The following PTGR3 variants were observed in gnomAD, a reference collection of about 807,000 sequenced individuals.
The protein encoded by PTGR3 is zinc binding alcohol dehydrogenase domain containing 2.
chr18:75,201,777 TCTACAG>T, the PTGR3 span: 2 of 1,614,170 alleles, frequency 1.2e-6, no homozygotes, highest in Non-Finnish European at 1.7e-6. Context: ...AGCCAGGGCG[TCTACAG>T]CCAAGTCAAA....
the PTGR3 span, among the ~76,000 whole-genome samples, chr18:75,204,649 C>T: frequency 9.2e-5 from 14 of 152,140 alleles, no homozygotes; most frequent in African/African-American, 3.4e-4. Context: ...ACCGCCACCA[C>T]GGAGAGGGGA....
the PTGR3 span, chr18:75,201,675 T>C: frequency 1.2e-6 from 2 of 1,614,170 alleles, no homozygotes; most frequent in East Asian, 2.2e-5. Flanking sequence ...CTTGAGCAGT[T>C]TGGCTGGCAA....
chr18:75,208,400 T>A, the PTGR3 span: 1 of 989,352 alleles, frequency 1.0e-6, no homozygotes, highest in Non-Finnish European at 1.2e-6. Context: ...CCCAGCCTCC[T>A]TCCTCCGAAG....
the PTGR3 span, among the ~76,000 whole-genome samples, chr18:75,204,271 C>A: frequency 1.3e-5 from 2 of 152,240 alleles, no homozygotes; most frequent in Non-Finnish European, 1.5e-5. Flanking sequence ...TCTCCCCGCC[C>A]CAGGCTGTGG....
the PTGR3 span, chr18:75,199,564 A>G: frequency 2.6e-5 from 4 of 152,208 alleles, no homozygotes; most frequent in Non-Finnish European, 4.4e-5. Flanking sequence ...TTTGTTTGTG[A>G]ATGTAAAAGT....
chr18:75,208,765 C>T, the PTGR3 span: 1 of 1,204,862 alleles, frequency 8.3e-7, no homozygotes, highest in Non-Finnish European at 1.0e-6. Context: ...GGCACGCGGG[C>T]GGGCTGGGGA....
the PTGR3 span, chr18:75,198,038 A>C: frequency 6.6e-6 from 1 of 152,322 alleles, no homozygotes; most frequent in Middle Eastern, 3.4e-3. Context: ...CCCCCACCCC[A>C]ATTTAAAGGA....
chr18:75,201,563 A>T, the PTGR3 span: 1 of 1,614,196 alleles, frequency 6.2e-7, no homozygotes, highest in South Asian at 1.1e-5. Context: ...CCACCTCACA[A>T]ACCAGGTCTC....
At chr18:75,201,687 G>A in the PTGR3 span, 1,591 of 1,614,180 alleles carry the variant, frequency 9.9e-4, 3 homozygotes, top group Middle Eastern at 2.6e-3. Context: ...GGCTGGCAAT[G>A]TTCCTGCTTT....
chr18:75,205,271 G>A, the PTGR3 span: 12 of 985,580 alleles, frequency 1.2e-5, no homozygotes, highest in Non-Finnish European at 1.4e-5. Flanking sequence ...AAGCGAATGC[G>A]GGGCTCGGGA....
the PTGR3 span, chr18:75,199,061 C>G: frequency 1.3e-5 from 2 of 152,586 alleles, no homozygotes; most frequent in African/African-American, 2.4e-5. Flanking sequence ...TGCTTGTTTT[C>G]TAAGAATAAG....
chr18:75,198,881 T>C, the PTGR3 span: 1 of 152,602 alleles, frequency 6.6e-6, no homozygotes, highest in Non-Finnish European at 1.5e-5. Context: ...AAGAAAGGTG[T>C]TGAGACCATC....
chr18:75,205,614 A>C, the PTGR3 span: 1 of 487,906 alleles, frequency 2.0e-6, no homozygotes, highest in Non-Finnish European at 2.7e-6. Context: ...GGGGAGAGGA[A>C]CGCTTTCCTC....
At chr18:75,208,468 T>G in the PTGR3 span, 1 of 1,010,264 alleles carries the variant, frequency 9.9e-7, no homozygotes, top group Non-Finnish European at 1.2e-6. Flanking sequence ...ACCCTAAAGA[T>G]TATGTCAACG....
chr18:75,208,108 C>T, the PTGR3 span, among the ~76,000 whole-genome samples: 1 of 152,098 alleles, frequency 6.6e-6, no homozygotes, highest in Admixed American at 6.5e-5. Context: ...GTGGGGAGCG[C>T]GGGGAATGGA....
the PTGR3 span, chr18:75,201,269 G>GAGA: frequency 1.8e-5 from 12 of 656,414 alleles, no homozygotes; most frequent in East Asian, 3.4e-4. Context: ...GGAGGAGGAG[G>GAGA]AGAAGGAGAG....
At chr18:75,204,352 C>G in the PTGR3 span, among the ~76,000 whole-genome samples, 2 of 152,236 alleles carry the variant, frequency 1.3e-5, no homozygotes, top group African/African-American at 4.8e-5. Context: ...GGAGCGCGCA[C>G]ACGCGCTGGA....
the PTGR3 span, among the ~76,000 whole-genome samples, chr18:75,204,687 C>T: frequency 6.6e-6 from 1 of 152,114 alleles, no homozygotes; most frequent in African/African-American, 2.4e-5. Flanking sequence ...CCGGGCGGGC[C>T]GGGACCGCGC....
chr18:75,205,730 AAAAG>A, the PTGR3 span, among the ~76,000 whole-genome samples: 14 of 151,964 alleles, frequency 9.2e-5, no homozygotes, highest in African/African-American at 3.1e-4. Context: ...AAAAAAAGAA[AAAAG>A]AAAGAAAGAA....
Sources: gnomAD v4.1 joint callset for allele counts (sites outside exome capture counted in the v4.1 genomes callset) on GRCh38, gnomAD v4.1.1 for gene constraint, MANE v1.5 for transcripts, NCBI Gene and HGNC (gene_info 2026-07-23, HGNC 2026-07-21) for gene names.